Variants in FAF1 observed in about 807,000 individuals in gnomAD.
FAF1 encodes Fas associated factor 1.
Under a neutral mutation model 92.5 loss-of-function variants are expected in FAF1, and 25 were observed. That is an observed-to-expected ratio of 0.27 (90% confidence interval 0.20 to 0.38). FAF1 has a LOEUF of 0.38. Among genes scored for constraint, FAF1 ranks in the 10% least tolerant of loss-of-function variants. FAF1 has a pLI of 1.00. For synonymous variants in FAF1, 234 were observed against 273.2 expected, an observed-to-expected ratio of 0.86 and a Z score of 1.42; for missense variants, 636 against 793.3, an observed-to-expected ratio of 0.80 and a Z score of 2.38.
intron 1 of FAF1, among the ~76,000 whole-genome samples, chr1:50,885,312 T>TCTCTCACACACACACACACACACACA (rs906105476): frequency 7.3e-6 from 1 of 137,444 alleles, no homozygotes; most frequent in African/African-American, 2.8e-5. Flanking sequence ...TCTCTCTCTC[T>TCTCTCACACACACACACACACACACA]CACACACACA....
At chr1:50,683,930 C>CAA (rs78987324) in intron 7 of FAF1, among the ~76,000 whole-genome samples, 3 of 116,178 alleles carry the variant, frequency 2.6e-5, no homozygotes, top group African/African-American at 6.2e-5. Flanking sequence ...AACACTCCAT[C>CAA]AAAAAAAAAA....
At chr1:50,902,984 A>C (rs534294660) in intron 1 of FAF1, among the ~76,000 whole-genome samples, 18 of 152,120 alleles carry the variant, frequency 1.2e-4, no homozygotes, top group Non-Finnish European at 2.4e-4. Context: ...TATTTCTGGT[A>C]ATCTTGGTCC....
intron 2 of FAF1, among the ~76,000 whole-genome samples, chr1:50,812,827 C>T (rs1643929792): frequency 6.6e-6 from 1 of 152,132 alleles, no homozygotes; most frequent in East Asian, 1.9e-4. Context: ...AACCTAAATG[C>T]TCATCAAGGG....
At chr1:50,853,359 A>G (rs1644366045) in intron 2 of FAF1, among the ~76,000 whole-genome samples, 1 of 152,282 alleles carries the variant, frequency 6.6e-6, no homozygotes, top group South Asian at 2.1e-4. Flanking sequence ...TCTTCAGTGT[A>G]TATGACTGTA....
At chr1:50,832,882 G>T (rs1570022725) in intron 2 of FAF1, among the ~76,000 whole-genome samples, 1 of 152,058 alleles carries the variant, frequency 6.6e-6, no homozygotes, top group East Asian at 1.9e-4. Context: ...AAAAAATTAA[G>T]CTATTTATTT....
intron 2 of FAF1, among the ~76,000 whole-genome samples, chr1:50,811,779 CA>C (rs1383338443): frequency 6.6e-6 from 1 of 151,886 alleles, no homozygotes; most frequent in East Asian, 1.9e-4. Flanking sequence ...AGAGCCTAAG[CA>C]AAAAACTGGA....
chr1:50,558,037 T>C (rs1347965194), intron 13 of FAF1, among the ~76,000 whole-genome samples: 2 of 151,976 alleles, frequency 1.3e-5, no homozygotes, highest in African/African-American at 4.8e-5. Context: ...TAGCTGGGAC[T>C]ACAGGCATGT....
intron 8 of FAF1, among the ~76,000 whole-genome samples, chr1:50,622,626 T>C (rs764085246): frequency 6.6e-6 from 1 of 152,218 alleles, no homozygotes; most frequent in Non-Finnish European, 1.5e-5. Context: ...TTTCATTTGC[T>C]GAAGGACATG....
At chr1:50,540,167 T>A (rs1648695528) in intron 13 of FAF1, among the ~76,000 whole-genome samples, 1 of 152,088 alleles carries the variant, frequency 6.6e-6, no homozygotes, top group South Asian at 2.1e-4. Context: ...AGAGACAGGG[T>A]TTGACCATCT....
intron 4 of FAF1, among the ~76,000 whole-genome samples, chr1:50,768,396 A>G (rs1192489833): frequency 1.3e-5 from 2 of 152,122 alleles, no homozygotes; most frequent in Non-Finnish European, 2.9e-5. Context: ...CAAAAGACTA[A>G]CAAAGATAAA....
intron 13 of FAF1, among the ~76,000 whole-genome samples, chr1:50,555,178 G>A (rs943058437): frequency 6.6e-6 from 1 of 151,654 alleles, no homozygotes; most frequent in African/African-American, 2.4e-5. Context: ...AGTCAAGATC[G>A]TGCCACTGCA....
intron 13 of FAF1, among the ~76,000 whole-genome samples, chr1:50,548,102 C>G (rs190386767): frequency 1.4e-4 from 22 of 152,240 alleles, no homozygotes; most frequent in Non-Finnish European, 2.4e-4. Flanking sequence ...ATGTTTAATG[C>G]CATATAACAT....
intron 13 of FAF1, among the ~76,000 whole-genome samples, chr1:50,550,545 A>G (rs1649263446): frequency 6.6e-6 from 1 of 152,116 alleles, no homozygotes; most frequent in Non-Finnish European, 1.5e-5. Flanking sequence ...TGTTTAACAC[A>G]AAGAGCTGAA....
chr1:50,956,157 G>T (rs1404822547), intron 1 of FAF1, among the ~76,000 whole-genome samples: 3 of 152,134 alleles, frequency 2.0e-5, no homozygotes, highest in Non-Finnish European at 4.4e-5. Context: ...ATTTTATAAG[G>T]ATTGTACCAC....
intron 14 of FAF1, among the ~76,000 whole-genome samples, chr1:50,536,950 A>T (rs565473802): frequency 6.6e-6 from 1 of 152,164 alleles, no homozygotes; most frequent in African/African-American, 2.4e-5. Context: ...GACAGATGAC[A>T]AAAGAAGTTT....
At chr1:50,570,829 G>C (rs1650403356) in intron 12 of FAF1, among the ~76,000 whole-genome samples, 3 of 152,138 alleles carry the variant, frequency 2.0e-5, no homozygotes, top group African/African-American at 7.2e-5. Flanking sequence ...TCAGATTTCT[G>C]ATTATCTTAC....
At chr1:50,706,016 T>C (rs1021460187) in intron 6 of FAF1, 125 bp from the exon 7 acceptor site, 3 of 568,876 alleles carry the variant, frequency 5.3e-6, no homozygotes, top group East Asian at 2.8e-5. Flanking sequence ...CCCAATGTTA[T>C]CATATTTTCA....
chr1:50,692,312 T>C (rs183093420), intron 7 of FAF1, among the ~76,000 whole-genome samples: 1 of 149,438 alleles, frequency 6.7e-6, no homozygotes, highest in Admixed American at 6.8e-5. Context: ...ATTTAAATTC[T>C]AATCTTTTAG....
Position 50,584,714 on chromosome 1 carries a change from G to T in FAF1, c.938C>A (p.Ala313Glu), listed in dbSNP as rs371330134. ...TGGAGATTTTCTCAAGGCAGATGAC[G>T]CCATGCCAAATACTTCTCCATCATC... The part of the protein sequence containing the change: ...GVDDGEVFGM[A>E]SSALRKSPMM... The change falls in exon 10 of 19, where the codon GCG becomes GAG. Residue 313 changes from alanine to glutamate, a missense_variant. Transcript: ENST00000396153. 6.2e-7 allele frequency: 1 copy of T among 1,613,396 alleles called. No individual in the cohort carries two copies. The highest frequency in any genetic ancestry group is 1.7e-5 in the Admixed American group (1 of 60,006).
Sources: gnomAD v4.1 joint callset for allele counts (sites outside exome capture counted in the v4.1 genomes callset) on GRCh38, gnomAD v4.1.1 for gene constraint, MANE v1.5 for transcripts, NCBI Gene and HGNC (gene_info 2026-07-23, HGNC 2026-07-21) for gene names.